Variants in ZSWIM5 observed in about 807,000 individuals in gnomAD.
The protein encoded by ZSWIM5 is zinc finger SWIM domain-containing protein 5.
A neutral mutation model predicts 119.6 loss-of-function variants in ZSWIM5; 55 were observed. The ratio of observed to expected loss-of-function variants is 0.46; its 90% confidence interval spans 0.37 to 0.58. ZSWIM5 has a LOEUF of 0.58. Ranked by LOEUF, ZSWIM5 falls within the 20% of genes least tolerant of loss-of-function variation. The pLI is 0.00. For missense variants in ZSWIM5, 1,193 were observed against 1,512.8 expected (o/e 0.79, Z 3.51); for synonymous variants, 537 against 606.9 (o/e 0.88, Z 1.69).
intron 1 of ZSWIM5, among the ~76,000 whole-genome samples, chr1:45,161,156 T>G (rs1361280428): frequency 6.6e-6 from 1 of 151,954 alleles, no homozygotes; most frequent in African/African-American, 2.4e-5. Context: ...CATTTGTCTG[T>G]AGGTGGACAC....
intron 1 of ZSWIM5, among the ~76,000 whole-genome samples, chr1:45,202,731 A>G (rs1019453043): frequency 6.6e-6 from 1 of 152,060 alleles, no homozygotes. Context: ...AAAAACTGTT[A>G]ATTTTTTTTC....
At chr1:45,170,426 CTTT>C (rs56817624) in intron 1 of ZSWIM5, among the ~76,000 whole-genome samples, 13 of 139,450 alleles carry the variant, frequency 9.3e-5, no homozygotes, top group Admixed American at 2.9e-4. Context: ...TATAAAATCA[CTTT>C]TTTTTTTTTT....
chr1:45,110,802 AT>A (rs1333190261), intron 1 of ZSWIM5, among the ~76,000 whole-genome samples: 1 of 152,184 alleles, frequency 6.6e-6, no homozygotes, highest in Non-Finnish European at 1.5e-5. Context: ...TAGGACTCAT[AT>A]TTTTTATGGT....
intron 1 of ZSWIM5, among the ~76,000 whole-genome samples, chr1:45,135,507 T>C (rs1458718263): frequency 6.6e-6 from 1 of 152,218 alleles, no homozygotes; most frequent in Non-Finnish European, 1.5e-5. Context: ...ATTGGTCAAA[T>C]CTTAGACTTC....
chr1:45,042,984 C>A (rs1051086887), intron 6 of ZSWIM5, among the ~76,000 whole-genome samples: 2 of 152,142 alleles, frequency 1.3e-5, no homozygotes, highest in Non-Finnish European at 2.9e-5. Context: ...CCTTTCACCC[C>A]CTCAAAACTT....
chr1:45,076,699 G>T (rs952782057), intron 2 of ZSWIM5, among the ~76,000 whole-genome samples: 1 of 152,030 alleles, frequency 6.6e-6, no homozygotes, highest in Non-Finnish European at 1.5e-5. Flanking sequence ...TCTACCTCCA[G>T]TTTCTTTCTC....
rs569646038 is a variant in ZSWIM5, at chr1:45,035,559, G to A, written c.2291+129C>T. On this transcript the variant is annotated intron_variant, in intron 10 of 13. Coordinates refer to ENST00000359600, the MANE Select transcript of ZSWIM5 (RefSeq NM_020883.2). Reference sequence around the variant, plus strand: ...TATAAAAATATCTGAGCCATTTTAAGGTACACTTGGTAGCGGGTCCAACAG... The same window carrying A: ...TATAAAAATATCTGAGCCATTTTAAAGTACACTTGGTAGCGGGTCCAACAG... The A allele has an allele frequency of 7.0e-5, 84 of 1,192,234 alleles. No individual in the cohort carries two copies. In the South Asian group the frequency reaches 1.3e-3, roughly 18 times the overall value. 73.9% of individuals were successfully genotyped at this position (1,192,234 alleles called of 1,614,324 possible). A position where few individuals can be genotyped will look rare whatever the true frequency, so the allele number is the denominator to read the frequency against.
At chr1:45,034,531 G>A (rs968047755) in intron 10 of ZSWIM5, 62 bp from the exon 11 acceptor site, 1 of 1,528,622 alleles carries the variant, frequency 6.5e-7, no homozygotes, top group African/African-American at 1.4e-5. Flanking sequence ...AGCCACCTTA[G>A]AGAAGCTTGC....
intron 1 of ZSWIM5, among the ~76,000 whole-genome samples, chr1:45,190,927 ATTTTTTTTTTTTTTTTTT>A (rs746764436): frequency 4.3e-4 from 21 of 48,998 alleles, no homozygotes; most frequent in East Asian, 8.2e-4. Context: ...AATAGCTGGA[ATTTTTTTTTTTTTTTTTT>A]TTTTTTTTTT....
intron 1 of ZSWIM5, among the ~76,000 whole-genome samples, chr1:45,129,655 A>G (rs1233343015): frequency 6.6e-6 from 1 of 152,222 alleles, no homozygotes; most frequent in Admixed American, 6.5e-5. Context: ...ACAAAGGTAC[A>G]AAAGCAATAC....
intron 1 of ZSWIM5, among the ~76,000 whole-genome samples, chr1:45,162,344 T>C (rs1645868605): frequency 6.6e-6 from 1 of 151,994 alleles, no homozygotes; most frequent in South Asian, 2.1e-4. Context: ...ATACAAAAAT[T>C]GGGAGAGGAG....
intron 1 of ZSWIM5, among the ~76,000 whole-genome samples, chr1:45,195,693 A>C (rs562875708): frequency 6.6e-6 from 1 of 152,276 alleles, no homozygotes; most frequent in African/African-American, 2.4e-5. Context: ...ACATTCTTTG[A>C]GTAGTTAAGA....
At chr1:45,130,095 G>T (rs972304064) in intron 1 of ZSWIM5, among the ~76,000 whole-genome samples, 1 of 151,932 alleles carries the variant, frequency 6.6e-6, no homozygotes, top group Non-Finnish European at 1.5e-5. Context: ...ACAGGGTTTC[G>T]CCATGTTGGC....
intron 1 of ZSWIM5, among the ~76,000 whole-genome samples, chr1:45,146,377 A>C (rs1295561764): frequency 8.7e-5 from 13 of 149,880 alleles, no homozygotes; most frequent in Non-Finnish European, 1.5e-5. Flanking sequence ...GTCATCAAAA[A>C]CTTAACTGAT....
chr1:45,165,997 T>G (rs1184217260), intron 1 of ZSWIM5, among the ~76,000 whole-genome samples: 3 of 152,084 alleles, frequency 2.0e-5, no homozygotes, highest in Non-Finnish European at 2.9e-5. Context: ...TACCAAAGCC[T>G]GGCAGAGACA....
At chr1:45,115,042 T>C (rs1645542604) in intron 1 of ZSWIM5, among the ~76,000 whole-genome samples, 1 of 152,194 alleles carries the variant, frequency 6.6e-6, no homozygotes, top group African/African-American at 2.4e-5. Context: ...CATGTCCACC[T>C]CTTTCCACAC....
chr1:45,091,524 A>G (rs1043756166), intron 1 of ZSWIM5, among the ~76,000 whole-genome samples: 12 of 149,746 alleles, frequency 8.0e-5, no homozygotes, highest in Non-Finnish European at 1.5e-4. Flanking sequence ...ATAGCTGGGC[A>G]TGGTGGCACA....
intron 12 of ZSWIM5, 63 bp from the exon 13 acceptor site, chr1:45,020,210 T>G (rs1443426355): frequency 7.5e-7 from 1 of 1,337,692 alleles, no homozygotes; most frequent in Non-Finnish European, 1.1e-6. Flanking sequence ...TCCCTCCCCT[T>G]GCATTCATTT....
At chr1:45,039,254 G>A (rs535882789) in intron 7 of ZSWIM5, among the ~76,000 whole-genome samples, 181 bp from the exon 8 acceptor site, 1 of 152,296 alleles carries the variant, frequency 6.6e-6, no homozygotes, top group African/African-American at 2.4e-5. Context: ...ATAAGGTCAC[G>A]TGGTCTGCAT....
Sources: allele counts gnomAD v4.1 joint callset (sites outside exome capture counted in the v4.1 genomes callset), GRCh38; gene constraint gnomAD v4.1.1; transcripts MANE v1.5; gene names NCBI Gene and HGNC (gene_info 2026-07-23, HGNC 2026-07-21).